CEP85L: variants seen among roughly 807,000 people sequenced by gnomAD.
The protein encoded by CEP85L is centrosomal protein 85L, also known as centrosomal protein of 85 kDa-like.
A neutral mutation model predicts 100.3 loss-of-function variants in CEP85L; 60 were observed. The ratio of observed to expected loss-of-function variants is 0.60; its 90% confidence interval spans 0.49 to 0.74. The LOEUF (loss-of-function observed/expected upper bound fraction) is 0.74. Among genes scored for constraint, CEP85L ranks in the 30% least tolerant of loss-of-function variants. The pLI, the probability that CEP85L is intolerant of heterozygous loss-of-function variation, is 0.00. For missense variants in CEP85L, 973 were observed against 936.2 expected (o/e 1.04, Z -0.51); for synonymous variants, 319 against 322.7 (o/e 0.99, Z 0.12).
At chr6:118,510,420 G>A (rs1049232006) in intron 5 of CEP85L, among the ~76,000 whole-genome samples, 3 of 151,666 alleles carry the variant, frequency 2.0e-5, no homozygotes, top group African/African-American at 4.8e-5. Context: ...ATGATCAAAG[G>A]ATATGAAAAG....
chr6:118,483,629 T>G, intron 7 of CEP85L, 77 bp downstream of exon 7: 1 of 1,411,028 alleles, frequency 7.1e-7, no homozygotes, highest in African/African-American at 1.4e-5. Flanking sequence ...AGATTTAACT[T>G]ATAGTTAGCC....
chr6:118,653,749 ATGTGTG>A (rs61103713), upstream of CEP85L, among the ~76,000 whole-genome samples: 9,334 of 148,242 alleles, frequency 0.063, 374 homozygotes, highest in Middle Eastern at 0.14. Flanking sequence ...GACTCTGTGT[ATGTGTG>A]TGTGTGTGTG....
chr6:118,653,000 C>T (rs1775649393), upstream of CEP85L, among the ~76,000 whole-genome samples: 1 of 152,008 alleles, frequency 6.6e-6, no homozygotes, highest in South Asian at 2.1e-4. Context: ...ACCACAGTCT[C>T]AGGAACAGAA....
chr6:118,667,074 T>A (rs1311066815), intron 1 of CEP85L, among the ~76,000 whole-genome samples: 2 of 152,228 alleles, frequency 1.3e-5, no homozygotes, highest in Non-Finnish European at 2.9e-5. Context: ...TGTCAGGTAC[T>A]GTTAGGCACC....
chr6:118,612,235 G>C (rs1238480072), intron 2 of CEP85L, among the ~76,000 whole-genome samples: 2 of 151,136 alleles, frequency 1.3e-5, no homozygotes, highest in East Asian at 3.9e-4. Flanking sequence ...GTCCTGAGAA[G>C]CAAAGAGGAA....
chr6:118,500,181 C>G (rs1476058423), intron 5 of CEP85L, among the ~76,000 whole-genome samples: 3 of 151,712 alleles, frequency 2.0e-5, no homozygotes, highest in Non-Finnish European at 2.9e-5. Context: ...GTGACACACA[C>G]CTGTACTCCC....
At chr6:118,566,825 A>G (rs541887596) in intron 2 of CEP85L, among the ~76,000 whole-genome samples, 11 of 152,346 alleles carry the variant, frequency 7.2e-5, no homozygotes, top group African/African-American at 2.4e-4. Context: ...AAATATGGAT[A>G]CCTAATAGAG....
Position 118,500,811 on chromosome 6 carries a change from T to A in CEP85L, c.1258-8946A>T, listed in dbSNP as rs147674684. Among the ~76,000 whole-genome samples the A allele has an allele frequency of 4.9e-4, 74 of 152,320 alleles. 2 individuals are homozygous for A. In the East Asian group the frequency reaches 0.013, roughly 27 times the overall value. The stretch of plus-strand genomic sequence containing the variant: ...CAGCCTAAGCAACAGAGCAATACCC[T>A]GTCTCAAACAAACAAACATCTTGAA... On this transcript the variant is annotated intron_variant, in intron 5 of 12. Coordinates refer to ENST00000368491, the MANE Select transcript of CEP85L (RefSeq NM_001042475.3).
intron 4 of CEP85L, among the ~76,000 whole-genome samples, chr6:118,516,754 G>C (rs905427138): frequency 3.3e-5 from 5 of 152,156 alleles, no homozygotes; most frequent in African/African-American, 1.2e-4. Context: ...AGTTTAATTA[G>C]ATCCCACTTG....
rs1229294675 is a variant in CEP85L at position 118,500,758 on chromosome 6, T to C, written c.1258-8893A>G. Among the ~76,000 whole-genome samples, 3 of 152,196 alleles carry C rather than the reference T, an allele frequency of 2.0e-5. No homozygotes were observed. The East Asian group carries it at 5.8e-4, about 29-fold the overall frequency. ...AAATCGGGTGCTCAACAAGCTACAATTGCACATATGATTGTGCAACTGCAT... is the reference window on the plus strand; with the variant it reads ...AAATCGGGTGCTCAACAAGCTACAACTGCACATATGATTGTGCAACTGCAT... On this transcript the variant is annotated intron_variant, in intron 5 of 12. Transcript: ENST00000368491.
intron 2 of CEP85L, among the ~76,000 whole-genome samples, chr6:118,568,955 A>C (rs1779708832): frequency 6.6e-6 from 1 of 152,184 alleles, no homozygotes; most frequent in African/African-American, 2.4e-5. Flanking sequence ...TTAAATTAAA[A>C]AAAATAAAAA....
chr6:118,606,218 T>C (rs1485847839), intron 2 of CEP85L, among the ~76,000 whole-genome samples: 3 of 152,294 alleles, frequency 2.0e-5, no homozygotes, highest in East Asian at 1.9e-4. Flanking sequence ...ACAAATCCTT[T>C]CAGATCTCTT....
At chr6:118,568,572 A>G (rs983948014) in intron 2 of CEP85L, among the ~76,000 whole-genome samples, 2 of 152,230 alleles carry the variant, frequency 1.3e-5, no homozygotes, top group Admixed American at 1.3e-4. Flanking sequence ...TCTGCTAAGT[A>G]AAGAGCCTGG....
intron 2 of CEP85L, among the ~76,000 whole-genome samples, chr6:118,614,702 G>C (rs1367580096): frequency 6.6e-6 from 1 of 152,154 alleles, no homozygotes; most frequent in African/African-American, 2.4e-5. Flanking sequence ...AAATTAGCTG[G>C]TGGTGGCACA....
At chr6:118,548,581 G>C (rs1778347831) in intron 3 of CEP85L, among the ~76,000 whole-genome samples, 1 of 151,950 alleles carries the variant, frequency 6.6e-6, no homozygotes, top group South Asian at 2.1e-4. Context: ...GGAAAAATGA[G>C]ACAACTTTGA....
chr6:118,646,873 T>C, intron 1 of CEP85L: 1 of 929,298 alleles, frequency 1.1e-6, no homozygotes, highest in Non-Finnish European at 1.3e-6. Flanking sequence ...CACACATAAA[T>C]ATTACAACAT....
At chr6:118,633,875 A>T (rs1177778682) in intron 1 of CEP85L, among the ~76,000 whole-genome samples, 4 of 152,262 alleles carry the variant, frequency 2.6e-5, no homozygotes, top group Non-Finnish European at 5.9e-5. Context: ...AAAAGTTAAG[A>T]AGTTCCCCTA....
rs1562297671 is a variant in CEP85L at position 118,600,298 on chromosome 6, G to GGTGTGT, written c.232+32154_232+32155insACACAC. 3.4e-5 allele frequency among the ~76,000 whole-genome samples: 2 copies of GGTGTGT among 59,152 alleles called. 1 individual carries two copies. The highest frequency in any genetic ancestry group is 1.2e-4 in the African/African-American group (2 of 17,368). 38.8% of individuals were successfully genotyped at this position (59,152 alleles called of 152,430 possible). On this transcript the variant is annotated intron_variant, in intron 2 of 12. Coordinates refer to ENST00000368491, the MANE Select transcript of CEP85L (RefSeq NM_001042475.3). ...TACTGCCTGTCCCTGAGCCTTCCTG[G>GGTGTGT]GGGTGTGTGTGTGTGTGTGTGTGTG...
intron 2 of CEP85L, among the ~76,000 whole-genome samples, chr6:118,621,458 T>A (rs1773439069): frequency 1.3e-5 from 2 of 152,204 alleles, no homozygotes; most frequent in South Asian, 4.1e-4. Context: ...TCGTGGATGG[T>A]CCTGCCCCAG....
Sources: gnomAD v4.1 joint callset for allele counts (sites outside exome capture counted in the v4.1 genomes callset) on GRCh38, gnomAD v4.1.1 for gene constraint, MANE v1.5 for transcripts, NCBI Gene and HGNC (gene_info 2026-07-23, HGNC 2026-07-21) for gene names.